Variants in RAP1A observed in about 807,000 individuals in gnomAD.
RAP1A encodes the protein ras-related protein Rap-1A.
RAP1A carries 6 observed loss-of-function variants against 26.4 expected under a neutral mutation model. The ratio of observed to expected loss-of-function variants is 0.23; its 90% CI spans 0.12 to 0.45. The LOEUF is 0.45. Among genes scored for constraint, RAP1A ranks in the 20% least tolerant of loss-of-function variants. The probability of loss-of-function intolerance (pLI) is 0.99; values close to 1 mark genes in which losing one functional copy is unlikely to be tolerated. For synonymous variants in RAP1A, 73 were observed against 79.4 expected, an observed-to-expected ratio of 0.92 and a Z score of 0.43; for missense variants, 121 against 217.2, an observed-to-expected ratio of 0.56 and a Z score of 2.78.
At chr1:111,607,801 G>A (rs1334270788) in intron 1 of RAP1A, among the ~76,000 whole-genome samples, 40 of 132,294 alleles carry the variant, frequency 3.0e-4, no homozygotes, top group African/African-American at 1.0e-3. Flanking sequence ...GGACGGGGCG[G>A]CTGGCCGGGC....
At chr1:111,678,886 G>GTT (rs1661208273) in intron 1 of RAP1A, among the ~76,000 whole-genome samples, 1 of 151,942 alleles carries the variant, frequency 6.6e-6, no homozygotes, top group African/African-American at 2.4e-5. Flanking sequence ...GATAAAAGCA[G>GTT]TTTTACTTCT....
intron 1 of RAP1A, among the ~76,000 whole-genome samples, chr1:111,625,982 G>C (rs1659386152): frequency 6.6e-6 from 1 of 152,108 alleles, no homozygotes; most frequent in Non-Finnish European, 1.5e-5. Flanking sequence ...TCATTGAACA[G>C]ATGTTTAAGT....
chr1:111,579,061 T>C (rs1658199859), intron 1 of RAP1A, among the ~76,000 whole-genome samples: 3 of 152,210 alleles, frequency 2.0e-5, no homozygotes, highest in Admixed American at 2.0e-4. Flanking sequence ...CCACGCCGTG[T>C]CTAGGTGAGC....
At chr1:111,610,054 C>A (rs540032619) in intron 1 of RAP1A, among the ~76,000 whole-genome samples, 6 of 152,302 alleles carry the variant, frequency 3.9e-5, no homozygotes, top group Admixed American at 3.3e-4. Flanking sequence ...CCCCTTATGA[C>A]CTTACAGCCA....
intron 1 of RAP1A, among the ~76,000 whole-genome samples, chr1:111,682,748 T>C (rs1244233012): frequency 3.3e-5 from 5 of 152,152 alleles, no homozygotes; most frequent in African/African-American, 9.7e-5. Flanking sequence ...AACACACCAC[T>C]GTCAATATTA....
chr1:111,693,198 A>G (rs1661722092), intron 2 of RAP1A, among the ~76,000 whole-genome samples: 1 of 152,200 alleles, frequency 6.6e-6, no homozygotes, highest in African/African-American at 2.4e-5. Flanking sequence ...GCAGTTGGAC[A>G]TGATAAAGGA....
At chr1:111,545,490 A>C (rs914478112) in intron 1 of RAP1A, among the ~76,000 whole-genome samples, 2 of 151,900 alleles carry the variant, frequency 1.3e-5, no homozygotes, top group Non-Finnish European at 2.9e-5. Flanking sequence ...TTATTGTTGA[A>C]TTTTAAGGGT....
At chr1:111,681,747 G>A (rs1230002558) in intron 1 of RAP1A, among the ~76,000 whole-genome samples, 3 of 152,170 alleles carry the variant, frequency 2.0e-5, no homozygotes, top group African/African-American at 7.2e-5. Flanking sequence ...AAAGTGACGG[G>A]GAGAATGGAA....
chr1:111,596,015 T>C (rs1658558160), intron 1 of RAP1A, among the ~76,000 whole-genome samples: 1 of 152,230 alleles, frequency 6.6e-6, no homozygotes, highest in Non-Finnish European at 1.5e-5. Flanking sequence ...TGCTAATAAA[T>C]GTTTGAGCCA....
At chr1:111,615,798 T>C (rs547073139), upstream of RAP1A, among the ~76,000 whole-genome samples, 1 of 137,564 alleles carries the variant, frequency 7.3e-6, no homozygotes, top group African/African-American at 2.8e-5. Flanking sequence ...GCCACTGCAC[T>C]CCAGCCTGGT....
At chr1:111,567,300 A>G (rs1359088731) in intron 1 of RAP1A, among the ~76,000 whole-genome samples, 3 of 152,210 alleles carry the variant, frequency 2.0e-5, no homozygotes, top group African/African-American at 7.2e-5. Context: ...CAGGATGTGT[A>G]AGATACGTGA....
chr1:111,708,626 T>C (rs1662274592), intron 6 of RAP1A, among the ~76,000 whole-genome samples: 1 of 152,362 alleles, frequency 6.6e-6, no homozygotes, highest in African/African-American at 2.4e-5. Context: ...TACAAAATAA[T>C]GTGTCAATCC....
chr1:111,617,095 T>C (rs1659028108), upstream of RAP1A, among the ~76,000 whole-genome samples: 1 of 152,156 alleles, frequency 6.6e-6, no homozygotes, highest in Admixed American at 6.5e-5. Flanking sequence ...GATGCTAACA[T>C]GCACCACCTC....
At chr1:111,544,575 T>C (rs980589337) in intron 1 of RAP1A, among the ~76,000 whole-genome samples, 3 of 152,226 alleles carry the variant, frequency 2.0e-5, no homozygotes, top group African/African-American at 7.2e-5. Flanking sequence ...CGTTCCATTA[T>C]ATACCACATT....
At chr1:111,593,205 A>G (rs562349718) in intron 1 of RAP1A, among the ~76,000 whole-genome samples, 1 of 152,282 alleles carries the variant, frequency 6.6e-6, no homozygotes, top group Non-Finnish European at 1.5e-5. Context: ...TGGGCTGTCT[A>G]GTAAAAATCA....
At chr1:111,551,325 G>A (rs764603961) in intron 1 of RAP1A, among the ~76,000 whole-genome samples, 3 of 151,940 alleles carry the variant, frequency 2.0e-5, no homozygotes, top group African/African-American at 4.8e-5. Flanking sequence ...CAGTTCCTCC[G>A]TTACTAGTTT....
rs7523297 is a variant in RAP1A at position 111,543,107 on chromosome 1, C to T, written c.-28+598C>T. ...ATTTCTGAAGAAATTATTTCTGCTA[C>T]ACACACACAGACACATACACAGAGA... On this transcript the variant is annotated intron_variant, in intron 1 of 7. Transcript: ENST00000356415. Among the ~76,000 whole-genome samples, 1,160 of 152,168 alleles carry T rather than the reference C, an allele frequency of 7.6e-3. 12 individuals are homozygous for T. Among genetic ancestry groups the T allele is most frequent in the African/African-American group, 0.027 (1,115 of 41,504 alleles).
At chr1:111,672,446 G>A (rs1029008418) in intron 1 of RAP1A, among the ~76,000 whole-genome samples, 2 of 152,140 alleles carry the variant, frequency 1.3e-5, no homozygotes, top group Middle Eastern at 3.2e-3. Context: ...TGGGTGAATC[G>A]AGTCTAAATC....
Position 111,712,819 on chromosome 1 carries a change from C to A in RAP1A, c.*418C>A, listed in dbSNP as rs1338646049. On this transcript the variant is annotated 3_prime_UTR_variant, in exon 8 of 8. Transcript: ENST00000369709. The stretch of plus-strand genomic sequence containing the variant: ...ATTATACTTTATATCTGTAATGATA[C>A]TGATTATGAAATGTCCCCTCAAACT... The A allele has an allele frequency of 6.6e-6, 1 of 152,450 alleles. No homozygotes were observed. The highest frequency in any genetic ancestry group is 2.4e-5 in the African/African-American group (1 of 41,438). The allele number at this position is 152,450 out of a possible 1,614,324, so 9.4% of individuals were successfully genotyped here.
Sources: allele counts gnomAD v4.1 joint callset (sites outside exome capture counted in the v4.1 genomes callset), GRCh38; gene constraint gnomAD v4.1.1; transcripts MANE v1.5; gene names NCBI Gene and HGNC (gene_info 2026-07-23, HGNC 2026-07-21).